The following DPYD variants were observed in gnomAD, a reference collection of about 807,000 sequenced individuals.
DPYD encodes dihydropyrimidine dehydrogenase [NADP(+)].
In DPYD, 109 loss-of-function variants were observed where a neutral mutation model predicts 116.2. That is an observed-to-expected ratio of 0.94 (90% CI 0.80 to 1.10). DPYD has a LOEUF of 1.10. Ranked by LOEUF, DPYD falls within the 50% of genes least tolerant of loss-of-function variation. The probability of loss-of-function intolerance (pLI) is 0.00; values close to 1 mark genes in which losing one functional copy is unlikely to be tolerated. For missense variants in DPYD, 1,302 were observed against 1,254.5 expected, an observed-to-expected ratio of 1.04 and a Z score of -0.57; for synonymous variants, 440 against 432.0, an observed-to-expected ratio of 1.02 and a Z score of -0.23.
At chr1:97,610,007 T>C (rs975845187) in intron 8 of DPYD, among the ~76,000 whole-genome samples, 1 of 152,004 alleles carries the variant, frequency 6.6e-6, no homozygotes, top group Non-Finnish European at 1.5e-5. Flanking sequence ...ATCAATTCAT[T>C]TTGAGAAAGA....
chr1:97,167,862 T>C (rs1011389880), intron 20 of DPYD, among the ~76,000 whole-genome samples: 11 of 152,144 alleles, frequency 7.2e-5, no homozygotes, highest in African/African-American at 2.7e-4. Context: ...CATTTTAAAG[T>C]AGTTATTTCT....
At chr1:97,366,736 A>AC (rs1243496882) in intron 16 of DPYD, among the ~76,000 whole-genome samples, 1 of 152,192 alleles carries the variant, frequency 6.6e-6, no homozygotes, top group East Asian at 1.9e-4. Flanking sequence ...TCTCAGGAGC[A>AC]CATACCTAAT....
At chr1:97,420,347 G>C (rs1034076529) in intron 14 of DPYD, among the ~76,000 whole-genome samples, 7 of 152,092 alleles carry the variant, frequency 4.6e-5, no homozygotes, top group African/African-American at 1.7e-4. Context: ...TAATTTTCTG[G>C]GGTTGAAGAT....
intron 3 of DPYD, among the ~76,000 whole-genome samples, chr1:97,768,939 T>C (rs1219097154): frequency 1.3e-5 from 2 of 151,568 alleles, no homozygotes; most frequent in East Asian, 1.9e-4. Flanking sequence ...TTAACCACGA[T>C]ATAATCAAAA....
Position 97,234,815 on chromosome 1 carries a change from G to A in DPYD, c.2442+37C>T, listed in dbSNP as rs533547379. The stretch of plus-strand genomic sequence containing the variant: ...TAACTTACATTGCATTTGTGAGATG[G>A]AGATTTTTAAAAGGGACAGACAAAC... On this transcript the variant is annotated intron_variant, in intron 19 of 22. Coordinates refer to ENST00000370192, the MANE Select transcript of DPYD (RefSeq NM_000110.4). The A allele has an allele frequency of 3.1e-6, 5 of 1,612,358 alleles. No homozygotes were observed. In the African/African-American group the frequency reaches 6.7e-5, roughly 22 times the overall value.
At chr1:97,912,098 T>C (rs1207334804) in intron 1 of DPYD, among the ~76,000 whole-genome samples, 1 of 152,126 alleles carries the variant, frequency 6.6e-6, no homozygotes, top group Non-Finnish European at 1.5e-5. Context: ...ACTGGTTCCA[T>C]TTCCATTTTG....
At chr1:97,544,137 TGCAGTG>T (rs1163539375) in intron 12 of DPYD, among the ~76,000 whole-genome samples, 1 of 152,202 alleles carries the variant, frequency 6.6e-6, no homozygotes, top group African/African-American at 2.4e-5. Flanking sequence ...TGACTCTGGC[TGCAGTG>T]TAGGGGCATT....
intron 8 of DPYD, among the ~76,000 whole-genome samples, chr1:97,638,617 G>T (rs1176069226): frequency 2.0e-5 from 3 of 152,130 alleles, no homozygotes; most frequent in South Asian, 2.1e-4. Context: ...ATAAAGAAAA[G>T]AAGTTTATTT....
chr1:97,674,636 A>G (rs1660043450), intron 8 of DPYD, among the ~76,000 whole-genome samples: 1 of 151,974 alleles, frequency 6.6e-6, no homozygotes, highest in African/African-American at 2.4e-5. Context: ...CTGGCTCTAG[A>G]ATAAAATTAC....
intron 14 of DPYD, among the ~76,000 whole-genome samples, chr1:97,430,291 C>A (rs757856905): frequency 3.9e-5 from 6 of 152,108 alleles, no homozygotes; most frequent in Non-Finnish European, 7.4e-5. Context: ...TAGTGTGTGA[C>A]TTGAAATATA....
At chr1:97,480,030 T>C (rs1678210740) in intron 13 of DPYD, among the ~76,000 whole-genome samples, 1 of 152,230 alleles carries the variant, frequency 6.6e-6, no homozygotes, top group South Asian at 2.1e-4. Flanking sequence ...TTCCTGCTTT[T>C]CTTCTATTTC....
chr1:97,246,647 G>A (rs932501410), intron 18 of DPYD, among the ~76,000 whole-genome samples: 3 of 152,122 alleles, frequency 2.0e-5, no homozygotes, highest in Non-Finnish European at 2.9e-5. Flanking sequence ...GGTATACAGT[G>A]CATTACATAG....
intron 4 of DPYD, among the ~76,000 whole-genome samples, chr1:97,736,110 G>T (rs1663926917): frequency 6.6e-6 from 1 of 152,050 alleles, no homozygotes; most frequent in African/African-American, 2.4e-5. Context: ...CAAATAAAAA[G>T]AAATATGGAC....
intron 18 of DPYD, among the ~76,000 whole-genome samples, chr1:97,277,339 C>T (rs1488505194): frequency 4.0e-5 from 6 of 151,060 alleles, no homozygotes; most frequent in East Asian, 3.9e-4. Context: ...CAGACCTGCA[C>T]GTGTACCCTT....
chr1:97,213,398 T>G (rs1321388653), intron 19 of DPYD, among the ~76,000 whole-genome samples: 2 of 152,154 alleles, frequency 1.3e-5, no homozygotes, highest in Non-Finnish European at 2.9e-5. Flanking sequence ...ATACTTAACC[T>G]GGCTGTGGAT....
intron 20 of DPYD, among the ~76,000 whole-genome samples, chr1:97,151,090 A>G (rs1654977307): frequency 6.6e-6 from 1 of 152,208 alleles, no homozygotes; most frequent in South Asian, 2.1e-4. Context: ...CTGATATCAA[A>G]TCCAGCTATC....
intron 11 of DPYD, among the ~76,000 whole-genome samples, chr1:97,561,597 G>T (rs997815449): frequency 6.6e-6 from 1 of 152,174 alleles, no homozygotes; most frequent in East Asian, 1.9e-4. Flanking sequence ...GTCCCTATAT[G>T]TGTGTAGCAA....
At chr1:97,693,057 G>A (rs1183599672) in intron 6 of DPYD, among the ~76,000 whole-genome samples, 1 of 151,814 alleles carries the variant, frequency 6.6e-6, no homozygotes, top group Admixed American at 6.6e-5. Flanking sequence ...TTGGGAGGCC[G>A]AGGCCAGCGG....
At chr1:97,133,390 T>C (rs1160723120) in intron 20 of DPYD, among the ~76,000 whole-genome samples, 1 of 152,176 alleles carries the variant, frequency 6.6e-6, no homozygotes, top group Non-Finnish European at 1.5e-5. Context: ...AACTTTTTTC[T>C]CTAACTTATG....
Sources: gnomAD v4.1 joint callset for allele counts (sites outside exome capture counted in the v4.1 genomes callset) on GRCh38, gnomAD v4.1.1 for gene constraint, MANE v1.5 for transcripts, NCBI Gene and HGNC (gene_info 2026-07-23, HGNC 2026-07-21) for gene names.